The following STK3 variants were observed in gnomAD, a reference collection of about 807,000 sequenced individuals.
The protein encoded by STK3 is serine/threonine kinase 3, also known as serine/threonine-protein kinase 3.
STK3 carries 41 observed loss-of-function variants against 58.0 expected under a neutral mutation model. The ratio of observed to expected loss-of-function variants is 0.71; its 90% CI spans 0.55 to 0.92. STK3 has a LOEUF of 0.92. Among genes scored for constraint, STK3 ranks in the 40% least tolerant of loss-of-function variants. The pLI, the probability that STK3 is intolerant of heterozygous loss-of-function variation, is 0.00. For synonymous variants in STK3, 170 were observed against 191.0 expected (o/e 0.89, Z 0.91); for missense variants, 479 against 602.7 (o/e 0.79, Z 2.15).
At chr8:98,752,638 A>C (rs909740363) in intron 3 of STK3, among the ~76,000 whole-genome samples, 5 of 152,190 alleles carry the variant, frequency 3.3e-5, no homozygotes, top group Non-Finnish European at 7.3e-5. Flanking sequence ...ACAGCAAAAG[A>C]AACTATCAAG....
chr8:98,466,731 G>A (rs1373797965), intron 10 of STK3, among the ~76,000 whole-genome samples: 2 of 152,184 alleles, frequency 1.3e-5, no homozygotes, highest in African/African-American at 4.8e-5. Flanking sequence ...ATTTCCTGAT[G>A]TTGTGGTTAG....
chr8:98,369,806 G>T (rs1447871099), downstream of STK3, among the ~76,000 whole-genome samples: 2 of 152,150 alleles, frequency 1.3e-5, no homozygotes, highest in South Asian at 2.1e-4. Flanking sequence ...CACCAAGAGG[G>T]TATTAAAAAG....
chr8:98,386,947 G>C (rs1031198949), intron 1 of STK3, among the ~76,000 whole-genome samples: 5 of 152,282 alleles, frequency 3.3e-5, no homozygotes, highest in Non-Finnish European at 7.3e-5. Context: ...AACAGGGCGA[G>C]ACCCTGTCTC....
chr8:98,664,896 G>A (rs1011636486), intron 6 of STK3, among the ~76,000 whole-genome samples: 13 of 150,628 alleles, frequency 8.6e-5, no homozygotes, highest in Admixed American at 2.0e-4. Context: ...GCAAAACTCC[G>A]TCTCAATTAA....
chr8:98,563,718 G>A (rs1265206641), intron 8 of STK3, among the ~76,000 whole-genome samples: 2 of 152,070 alleles, frequency 1.3e-5, no homozygotes, highest in East Asian at 3.9e-4. Flanking sequence ...TATGTCATAG[G>A]GACAAAGGAG....
intron 8 of STK3, among the ~76,000 whole-genome samples, chr8:98,560,415 C>T (rs1811919559): frequency 1.3e-5 from 2 of 151,690 alleles, no homozygotes; most frequent in Admixed American, 1.3e-4. Flanking sequence ...TTCTTACATA[C>T]CAGCAATAAA....
chr8:98,352,796 C>T, the STK3 span, among the ~76,000 whole-genome samples: 1 of 152,222 alleles, frequency 6.6e-6, no homozygotes, highest in Admixed American at 6.5e-5. Context: ...TGTACAGTAA[C>T]CTTTTAACCA....
At chr8:98,468,582 G>A (rs1349156827) in intron 10 of STK3, among the ~76,000 whole-genome samples, 2 of 152,134 alleles carry the variant, frequency 1.3e-5, no homozygotes, top group Non-Finnish European at 2.9e-5. Context: ...ATTAATATTT[G>A]TTTTAAAATA....
intron 2 of STK3, among the ~76,000 whole-genome samples, chr8:98,435,952 C>T (rs1016366411): frequency 1.2e-4 from 18 of 152,132 alleles, no homozygotes; most frequent in South Asian, 4.1e-4. Flanking sequence ...TCTCTACTGG[C>T]GACCTTGGCT....
At chr8:98,666,434 T>C (rs1822374428) in intron 6 of STK3, among the ~76,000 whole-genome samples, 1 of 152,204 alleles carries the variant, frequency 6.6e-6, no homozygotes, top group African/African-American at 2.4e-5. Context: ...TCTCTGTTAG[T>C]TCTATATACA....
At chr8:98,662,082 G>A (rs1288866793) in intron 6 of STK3, among the ~76,000 whole-genome samples, 1 of 152,096 alleles carries the variant, frequency 6.6e-6, no homozygotes, top group Non-Finnish European at 1.5e-5. Context: ...CTGCCATGGA[G>A]TAAGTGTTTA....
At chr8:98,627,385 G>A (rs543411976) in intron 6 of STK3, among the ~76,000 whole-genome samples, 3 of 151,586 alleles carry the variant, frequency 2.0e-5, no homozygotes, top group African/African-American at 7.3e-5. Context: ...GTGGTGGCAT[G>A]TGCCTGTAAT....
chr8:98,744,093 G>A (rs935876031), intron 4 of STK3, among the ~76,000 whole-genome samples: 3 of 152,134 alleles, frequency 2.0e-5, no homozygotes, highest in African/African-American at 7.2e-5. Flanking sequence ...AGGTGCTGGA[G>A]AGGATGTGGA....
chr8:98,823,171 A>G (rs1161846889), intron 1 of STK3, among the ~76,000 whole-genome samples: 1 of 152,212 alleles, frequency 6.6e-6, no homozygotes, highest in Non-Finnish European at 1.5e-5. Flanking sequence ...AAAATTTGAT[A>G]GGCTATAGTG....
chr8:98,515,592 C>T (rs1266916301), intron 10 of STK3, among the ~76,000 whole-genome samples: 1 of 152,088 alleles, frequency 6.6e-6, no homozygotes, highest in Non-Finnish European at 1.5e-5. Flanking sequence ...CTCAGGCTAA[C>T]CTCTTCACTA....
At chr8:98,445,350 C>T (rs1472672558) in intron 1 of STK3, among the ~76,000 whole-genome samples, 2 of 151,964 alleles carry the variant, frequency 1.3e-5, no homozygotes, top group African/African-American at 4.8e-5. Context: ...ATGTGAGCTA[C>T]ATATATAATT....
At chr8:98,574,369 C>T (rs1326493804) in intron 8 of STK3, among the ~76,000 whole-genome samples, 1 of 152,092 alleles carries the variant, frequency 6.6e-6, no homozygotes, top group Non-Finnish European at 1.5e-5. Flanking sequence ...AGCTTGCAAG[C>T]AAACCTCAAA....
chr8:98,925,152 C>G (rs978613606), intron 1 of STK3, among the ~76,000 whole-genome samples: 1 of 152,214 alleles, frequency 6.6e-6, no homozygotes, highest in East Asian at 1.9e-4. Context: ...CTCCCAAAGT[C>G]ATTCATCAGA....
intron 3 of STK3, among the ~76,000 whole-genome samples, chr8:98,842,826 C>A (rs1052877921): frequency 6.6e-6 from 1 of 151,998 alleles, no homozygotes; most frequent in African/African-American, 2.4e-5. Flanking sequence ...CATGGTGAAA[C>A]CTCCCTGTCT....
Sources: gnomAD v4.1 joint callset for allele counts (sites outside exome capture counted in the v4.1 genomes callset) on GRCh38, gnomAD v4.1.1 for gene constraint, MANE v1.5 for transcripts, NCBI Gene and HGNC (gene_info 2026-07-23, HGNC 2026-07-21) for gene names.